Variants in NYAP2 observed in about 807,000 individuals in gnomAD.
NYAP2 encodes the protein neuronal tyrosine-phosphorylated phosphoinositide-3-kinase adapter 2.
NYAP2 carries 23 observed loss-of-function variants against 50.4 expected under a neutral mutation model. That is an observed-to-expected ratio of 0.46 (90% CI 0.33 to 0.65). The LOEUF is 0.65. Ranked by LOEUF, NYAP2 falls within the 30% of genes least tolerant of loss-of-function variation. NYAP2 has a pLI of 0.02. For missense variants in NYAP2, 885 were observed against 861.0 expected (o/e 1.03, Z -0.35); for synonymous variants, 394 against 365.2 (o/e 1.08, Z -0.90).
intron 4 of NYAP2, among the ~76,000 whole-genome samples, chr2:225,527,976 A>T (rs778552289): frequency 9.9e-5 from 15 of 152,138 alleles, no homozygotes; most frequent in Non-Finnish European, 1.8e-4. Context: ...CTCAGAGTCA[A>T]CCTAGTAAAA....
intron 4 of NYAP2, among the ~76,000 whole-genome samples, chr2:225,563,651 T>C (rs1361090696): frequency 1.3e-5 from 2 of 152,116 alleles, no homozygotes; most frequent in African/African-American, 4.8e-5. Flanking sequence ...AAGCAGAACA[T>C]TTCTTGATAT....
chr2:225,670,846 G>C, the NYAP2 span, among the ~76,000 whole-genome samples: 1 of 151,804 alleles, frequency 6.6e-6, no homozygotes, highest in African/African-American at 2.4e-5. Flanking sequence ...ATAATTTTTT[G>C]GTTTTCCAGT....
At chr2:225,672,127 C>T in the NYAP2 span, among the ~76,000 whole-genome samples, 3 of 152,072 alleles carry the variant, frequency 2.0e-5, no homozygotes, top group East Asian at 1.9e-4. Flanking sequence ...AGAGAGTCAA[C>T]GTGTCCTTTG....
intron 4 of NYAP2, among the ~76,000 whole-genome samples, chr2:225,558,314 C>T (rs1239818237): frequency 1.3e-5 from 2 of 152,148 alleles, no homozygotes; most frequent in African/African-American, 4.8e-5. Flanking sequence ...TCTCACTGAG[C>T]TAAAATCAAG....
At position 225,513,297 on chromosome 2, in the gene NYAP2, T is replaced by C; in HGVS notation, c.222-74T>C. ...GATTTGAAATTTTCCCTATTAGTAATATTCTCACATGTATGATCTTGTATA... is the reference window on the plus strand; with the variant it reads ...GATTTGAAATTTTCCCTATTAGTAACATTCTCACATGTATGATCTTGTATA... On this transcript the variant is annotated intron_variant, in intron 3 of 6. Transcript: ENST00000636099. The C allele has an allele frequency of 2.9e-6, 4 of 1,356,904 alleles. No homozygotes were observed. In the South Asian group the frequency reaches 5.2e-5, roughly 18 times the overall value. The allele number at this position is 1,356,904 out of a possible 1,614,324, so 84.1% of individuals were successfully genotyped here. A position where few individuals can be genotyped will look rare whatever the true frequency, so the allele number is the denominator to read the frequency against.
the NYAP2 span, among the ~76,000 whole-genome samples, chr2:225,677,088 G>T: frequency 3.9e-5 from 6 of 152,052 alleles, no homozygotes; most frequent in Admixed American, 3.3e-4. Flanking sequence ...TGATTTTTTT[G>T]AGCAGTGTTT....
At chr2:225,535,869 GA>G (rs1322952338) in intron 4 of NYAP2, among the ~76,000 whole-genome samples, 1 of 152,076 alleles carries the variant, frequency 6.6e-6, no homozygotes, top group East Asian at 1.9e-4. Context: ...TCCTTACTGG[GA>G]AAGATAGATA....
At chr2:225,416,729 T>C (rs1253825379) in intron 3 of NYAP2, among the ~76,000 whole-genome samples, 1 of 152,158 alleles carries the variant, frequency 6.6e-6, no homozygotes, top group Non-Finnish European at 1.5e-5. Context: ...ACTTTAATTA[T>C]ATCCTAGACC....
chr2:225,638,175 TGTGTGTGTGTGTGTGTG>T (rs1167822112), intron 6 of NYAP2, among the ~76,000 whole-genome samples: 1 of 150,488 alleles, frequency 6.6e-6, no homozygotes, highest in Admixed American at 6.6e-5. Context: ...TGTGTGTGTG[TGTGTGTGTGTGTGTGTG>T]GTGTGGGAGG....
At chr2:225,609,995 G>A (rs1692851623) in intron 5 of NYAP2, among the ~76,000 whole-genome samples, 1 of 152,104 alleles carries the variant, frequency 6.6e-6, no homozygotes, top group Non-Finnish European at 1.5e-5. Context: ...ACCTCATTGT[G>A]CGTTGGTTTC....
intron 3 of NYAP2, among the ~76,000 whole-genome samples, chr2:225,453,821 C>T (rs145154666): frequency 6.7e-6 from 1 of 149,326 alleles, no homozygotes; most frequent in Non-Finnish European, 1.5e-5. Flanking sequence ...GTGCCCTCCA[C>T]CACGCCCGGC....
chr2:225,468,381 G>T (rs1323064484), intron 3 of NYAP2, among the ~76,000 whole-genome samples: 1 of 152,150 alleles, frequency 6.6e-6, no homozygotes, highest in African/African-American at 2.4e-5. Flanking sequence ...ATACATTTCT[G>T]TTATTTTAAG....
intron 3 of NYAP2, among the ~76,000 whole-genome samples, chr2:225,436,055 T>C (rs1689370713): frequency 6.6e-6 from 1 of 152,194 alleles, no homozygotes; most frequent in African/African-American, 2.4e-5. Context: ...CCAGACACTG[T>C]AGTTTGCAGT....
chr2:225,622,989 C>T (rs773246434), intron 5 of NYAP2, among the ~76,000 whole-genome samples: 38 of 152,192 alleles, frequency 2.5e-4, no homozygotes, highest in Non-Finnish European at 3.8e-4. Flanking sequence ...GCTTTACCAT[C>T]TTGCTTCATC....
At chr2:225,701,501 G>C in the NYAP2 span, 1 of 151,664 alleles carries the variant, frequency 6.6e-6, no homozygotes, top group Non-Finnish European at 1.5e-5. Context: ...AATTTCTTTA[G>C]AATTGATGAA....
At chr2:225,528,348 A>G (rs1252589004) in intron 4 of NYAP2, among the ~76,000 whole-genome samples, 2 of 152,178 alleles carry the variant, frequency 1.3e-5, no homozygotes, top group African/African-American at 2.4e-5. Context: ...GTAAAATATA[A>G]TTCCCTTCCC....
intron 5 of NYAP2, among the ~76,000 whole-genome samples, chr2:225,598,989 G>A (rs1283400464): frequency 6.6e-6 from 1 of 152,168 alleles, no homozygotes. Flanking sequence ...AAGCCAGGAA[G>A]CTCATAATCT....
downstream of NYAP2, among the ~76,000 whole-genome samples, chr2:225,657,998 C>T (rs1196839511): frequency 1.3e-5 from 2 of 152,112 alleles, no homozygotes; most frequent in Non-Finnish European, 2.9e-5. Flanking sequence ...TTTTGAGATT[C>T]TGTGATATTC....
chr2:225,634,000 G>A (rs1027553603), intron 6 of NYAP2, among the ~76,000 whole-genome samples: 1 of 152,178 alleles, frequency 6.6e-6, no homozygotes, highest in African/African-American at 2.4e-5. Context: ...GGTCCCAGTA[G>A]ATACCTTGTC....
Sources: allele counts gnomAD v4.1 joint callset (sites outside exome capture counted in the v4.1 genomes callset), GRCh38; gene constraint gnomAD v4.1.1; transcripts MANE v1.5; gene names NCBI Gene and HGNC (gene_info 2026-07-23, HGNC 2026-07-21).